CDC42: variants seen among roughly 807,000 people sequenced by gnomAD.
CDC42 encodes the protein cell division control protein 42 homolog.
Under a neutral mutation model 20.8 loss-of-function variants are expected in CDC42, and 1 was observed. The observed-to-expected ratio is 0.05, with a 90% confidence interval of 0.02 to 0.23. The LOEUF (loss-of-function observed/expected upper bound fraction) is 0.23, where lower values mean the gene tolerates loss of function less well. Ranked by LOEUF, CDC42 falls within the 10% of genes least tolerant of loss-of-function variation. The pLI, the probability that CDC42 is intolerant of heterozygous loss-of-function variation, is 1.00. For synonymous variants in CDC42, 72 were observed against 84.8 expected (o/e 0.85, Z 0.83); for missense variants, 49 against 227.9 (o/e 0.21, Z 5.05).
At chr1:22,063,718 C>A (rs1227761497) in intron 1 of CDC42, among the ~76,000 whole-genome samples, 1 of 151,944 alleles carries the variant, frequency 6.6e-6, no homozygotes, top group African/African-American at 2.4e-5. Flanking sequence ...TTGTTGGTAA[C>A]CTTCACAACT....
chr1:22,091,893 C>T lies in CDC42; in HGVS notation c.*376C>T, dbSNP rs1007547858. The T allele has an allele frequency of 1.3e-5, 2 of 152,718 alleles. No individual in the cohort carries two copies. Among genetic ancestry groups the T allele is most frequent in the South Asian group, 2.1e-4 (1 of 4,712 alleles). 9.5% of individuals were successfully genotyped at this position (152,718 alleles called of 1,614,324 possible). A position where few individuals can be genotyped will look rare whatever the true frequency, so the allele number is the denominator to read the frequency against. On this transcript the variant is annotated 3_prime_UTR_variant, in exon 6 of 6. Coordinates refer to ENST00000656825, the MANE Select transcript of CDC42 (RefSeq NM_001791.4). ...TTGTTGAAGCTGCTCCCTGGTTCCA[C>T]TCTGGAGAGTAATCTGGGACATCTT...
chr1:22,091,739 T>A lies in CDC42; in HGVS notation c.*222T>A, dbSNP rs1036675596. 4.2e-5 allele frequency: 13 copies of A among 312,744 alleles called. No homozygotes were observed. The highest frequency in any genetic ancestry group is 7.5e-5 in the Non-Finnish European group (13 of 174,412). The allele number at this position is 312,744 out of a possible 1,614,324, so 19.4% of individuals were successfully genotyped here. The stretch of plus-strand genomic sequence containing the variant: ...TTGAGTAATTGTATTGTCAGAAAAG[T>A]GATTAGTACTATTTTTTTTTGTTGT... On this transcript the variant is annotated 3_prime_UTR_variant, in exon 6 of 6. Coordinates refer to ENST00000656825, the MANE Select transcript of CDC42 (RefSeq NM_001791.4).
At chr1:22,090,502 T>A in intron 5 of CDC42, 2 of 987,398 alleles carry the variant, frequency 2.0e-6, no homozygotes, top group Non-Finnish European at 2.4e-6. Flanking sequence ...AGGATTCTTT[T>A]CTGGTTTTCC....
Position 22,072,523 on chromosome 1 carries a change from A to G in CDC42, c.-50-5906A>G, listed in dbSNP as rs190010620. ...TGACCTGCTTTCCCCTCACCTTGAA[A>G]TGTTCACAGACCTGGAAGCTCTCCA... On this transcript the variant is annotated intron_variant, in intron 1 of 5. Transcript: ENST00000656825. Among the ~76,000 whole-genome samples, 557 of 152,200 alleles carry G rather than the reference A, an allele frequency of 3.7e-3. 3 individuals are homozygous for G. Among genetic ancestry groups the G allele is most frequent in the Non-Finnish European group, 6.3e-3 (431 of 68,010 alleles).
chr1:22,062,013 A>G (rs767400881), intron 1 of CDC42, among the ~76,000 whole-genome samples: 7 of 151,878 alleles, frequency 4.6e-5, no homozygotes, highest in Non-Finnish European at 1.0e-4. Flanking sequence ...ATCTTGGCTC[A>G]CTGCAACCTC....
At chr1:22,057,448 G>T (rs548104638) in intron 1 of CDC42, among the ~76,000 whole-genome samples, 2 of 152,284 alleles carry the variant, frequency 1.3e-5, no homozygotes, top group African/African-American at 4.8e-5. Context: ...GCAATGGCGC[G>T]ATCTCGGCTC....
chr1:22,056,648 A>G (rs1197774451), intron 1 of CDC42, among the ~76,000 whole-genome samples: 1 of 152,216 alleles, frequency 6.6e-6, no homozygotes, highest in Non-Finnish European at 1.5e-5. Flanking sequence ...TGCTGCTGCT[A>G]TTTTAAGTCC....
chr1:22,090,870 C>T, intron 5 of CDC42: 1 of 919,912 alleles, frequency 1.1e-6, no homozygotes. Context: ...GTATCAGGTA[C>T]CCACATTTTT....
rs138198973 is a variant in CDC42 at position 22,097,291 on chromosome 1, C to T, written c.*5774C>T. On this transcript the variant is annotated 3_prime_UTR_variant, in exon 6 of 6. Coordinates refer to ENST00000656825, the MANE Select transcript of CDC42 (RefSeq NM_001791.4). Reference sequence around the variant, plus strand: ...TTTTTTTTCGAGACCAGATCTTACTCTGTCGCCCAGGCTGGAGTGCAGTGG... The same window carrying T: ...TTTTTTTTCGAGACCAGATCTTACTTTGTCGCCCAGGCTGGAGTGCAGTGG... 4.3e-3 allele frequency among the ~76,000 whole-genome samples: 654 copies of T among 152,342 alleles called. 5 individuals carry two copies. Among genetic ancestry groups the T allele is most frequent in the Middle Eastern group, 0.02 (6 of 294 alleles).
At position 22,076,427 on chromosome 1, in the gene CDC42, A is replaced by T. The variant is rs562084935; in HGVS notation, c.-50-2002A>T. The stretch of plus-strand genomic sequence containing the variant: ...GAGCAGAGATCACGCCACTGCACTG[A>T]CACATACACACACACACACACACAA... On this transcript the variant is annotated intron_variant, in intron 1 of 5. Coordinates refer to ENST00000656825, the MANE Select transcript of CDC42 (RefSeq NM_001791.4). Among the ~76,000 whole-genome samples the T allele has an allele frequency of 4.0e-5, 6 of 151,896 alleles. No homozygotes were observed. The East Asian group carries it at 9.7e-4, about 24-fold the overall frequency.
intron 1 of CDC42, among the ~76,000 whole-genome samples, chr1:22,053,926 C>T (rs1013361616): frequency 6.6e-6 from 1 of 152,106 alleles, no homozygotes; most frequent in Non-Finnish European, 1.5e-5. Context: ...AATAGAGGTC[C>T]CTTTGACTAT....
At chr1:22,070,067 C>T (rs930144199) in intron 1 of CDC42, among the ~76,000 whole-genome samples, 1 of 152,122 alleles carries the variant, frequency 6.6e-6, no homozygotes, top group Non-Finnish European at 1.5e-5. Flanking sequence ...GGATTGTAGG[C>T]TTGAGCCACT....
chr1:22,100,531 C>G lies in CDC42; in HGVS notation c.*9014C>G, dbSNP rs1645783435. Reference sequence around the variant, plus strand: ...GTGAAGTGGAAATAGCTGTACTTTGCCCAAGAGTTGTGAGAGTGACATGAA... The same window carrying G: ...GTGAAGTGGAAATAGCTGTACTTTGGCCAAGAGTTGTGAGAGTGACATGAA... On this transcript the variant is annotated 3_prime_UTR_variant, in exon 6 of 6. Coordinates refer to ENST00000656825, the MANE Select transcript of CDC42 (RefSeq NM_001791.4). The G allele has an allele frequency of 6.6e-6, 1 of 152,120 alleles. No homozygotes were observed. The highest frequency in any genetic ancestry group is 2.4e-5 in the African/African-American group (1 of 41,428). The allele number at this position is 152,120 out of a possible 1,614,324, so 9.4% of individuals were successfully genotyped here. A position where few individuals can be genotyped will look rare whatever the true frequency, so the allele number is the denominator to read the frequency against.
chr1:22,059,000 A>T (rs1645334129), intron 1 of CDC42, among the ~76,000 whole-genome samples: 2 of 30,300 alleles, frequency 6.6e-5, no homozygotes, highest in African/African-American at 4.4e-4. Context: ...ATATATATAT[A>T]TTTTTGTAGA....
rs747002932 is a variant in CDC42 at position 22,094,294 on chromosome 1, A to ATTTTTTT, written c.*2792_*2798dup. On this transcript the variant is annotated 3_prime_UTR_variant, in exon 6 of 6. Transcript: ENST00000656825. ...GTTTTACTGAACATCCTAGAAATAG[A>ATTTTTTT]TTTTTTTTTTTTTTTTTTTTTGAGA... Among the ~76,000 whole-genome samples the ATTTTTTT allele has an allele frequency of 7.6e-3, 291 of 38,282 alleles. 85 individuals carry two copies. Among genetic ancestry groups the ATTTTTTT allele is most frequent in the African/African-American group, 0.027 (220 of 8,182 alleles). The allele number at this position is 38,282 out of a possible 152,430, so 25.1% of individuals were successfully genotyped here.
chr1:22,081,646 C>A, intron 2 of CDC42, 76 bp from the exon 3 acceptor site: 1 of 876,558 alleles, frequency 1.1e-6, no homozygotes, highest in Non-Finnish European at 1.9e-6. Context: ...GAAACACTGC[C>A]TTAGCTTAAG....
chr1:22,086,859 T>G lies in CDC42; in HGVS notation c.479T>G (p.Leu160Arg). 1 of 1,613,418 alleles carries G rather than the reference T, an allele frequency of 6.2e-7. No individual in the cohort carries two copies. Among genetic ancestry groups the G allele is most frequent in the Non-Finnish European group, 8.5e-7 (1 of 1,179,340 alleles). The change falls in exon 5 of 6, where the codon CTT becomes CGT. Residue 160 changes from leucine to arginine, a missense_variant. Physicochemically the swap from Leu to Arg is moderately radical, Grantham distance 102. Coordinates refer to ENST00000656825, the MANE Select transcript of CDC42 (RefSeq NM_001791.4). The stretch of plus-strand genomic sequence containing the variant: ...GTCAAGTATGTGGAGTGTTCTGCAC[T>G]TACACAGGTAAGAATGGCATGAAAC... ...KAVKYVECSA[L>R]TQKGLKNVFD... is the part of the protein sequence containing the mutation.
Position 22,098,095 on chromosome 1 carries a change from A to T in CDC42, c.*6578A>T, listed in dbSNP as rs1207389971. Among the ~76,000 whole-genome samples the T allele has an allele frequency of 6.6e-6, 1 of 152,214 alleles. No homozygotes were observed. Among genetic ancestry groups the T allele is most frequent in the Admixed American group, 6.5e-5 (1 of 15,284 alleles). ...GAACTGTGGATCACTTGTCTCAGTCATCAGGATTCCTGGACCCTGTAGGAT... is the reference window on the plus strand; with the variant it reads ...GAACTGTGGATCACTTGTCTCAGTCTTCAGGATTCCTGGACCCTGTAGGAT... On this transcript the variant is annotated 3_prime_UTR_variant, in exon 6 of 6. Transcript: ENST00000656825.
At chr1:22,063,635 T>G (rs984631415) in intron 1 of CDC42, among the ~76,000 whole-genome samples, 2 of 152,216 alleles carry the variant, frequency 1.3e-5, no homozygotes, top group Admixed American at 6.5e-5. Flanking sequence ...GTTAAATTTC[T>G]TTTGCGCTTT....
Sources: allele counts gnomAD v4.1 joint callset (sites outside exome capture counted in the v4.1 genomes callset), GRCh38; gene constraint gnomAD v4.1.1; transcripts MANE v1.5; gene names NCBI Gene and HGNC (gene_info 2026-07-23, HGNC 2026-07-21).